Variants in HEATR1 observed in about 807,000 individuals in gnomAD.
HEATR1 encodes HEAT repeat-containing protein 1.
Under a neutral mutation model 248.2 loss-of-function variants are expected in HEATR1, and 77 were observed. The observed-to-expected ratio is 0.31, with a 90% confidence interval of 0.26 to 0.37. The LOEUF (loss-of-function observed/expected upper bound fraction) is 0.37. HEATR1 is among the 10% of genes least tolerant of loss of function. HEATR1 has a pLI of 1.00. For missense variants in HEATR1, 2,420 were observed against 2,504.9 expected (o/e 0.97, Z 0.72); for synonymous variants, 897 against 923.1 (o/e 0.97, Z 0.51).
chr1:236,603,904 C>G, intron 2 of HEATR1, 50 bp downstream of exon 2: 1 of 1,565,530 alleles, frequency 6.4e-7, no homozygotes, highest in Non-Finnish European at 8.6e-7. Flanking sequence ...ACAGTAACAT[C>G]CAGAAAACAA....
chr1:236,556,291 C>A, intron 37 of HEATR1, 33 bp from the exon 38 acceptor site: 6 of 1,609,694 alleles, frequency 3.7e-6, no homozygotes, highest in Non-Finnish European at 5.1e-6. Flanking sequence ...ATCAGGGCCA[C>A]TGCAGATCTT....
In HEATR1 at chr1:236,592,073, A is replaced by G. The variant is rs773878906; in HGVS notation, c.1342T>C (p.Leu448=). 1.9e-6 allele frequency: 3 copies of G among 1,607,608 alleles called. No individual in the cohort carries two copies. Among genetic ancestry groups the G allele is most frequent in the Non-Finnish European group, 2.6e-6 (3 of 1,174,952 alleles). Residue 448 remains leucine, a synonymous_variant, in exon 11 of 45, where the codon TTA becomes CTA. Coordinates refer to ENST00000366582, the MANE Select transcript of HEATR1 (RefSeq NM_018072.6). ...RTLDVVLEEH[L]KEIADLKKQE... ...TTTTTCAGATCTGCAATTTCCTTTA[A>G]GTGTTCCTCTAATACAACATCTAAT...
Position 236,557,304 on chromosome 1 carries a change from T to C in HEATR1, c.5246A>G (p.Glu1749Gly), listed in dbSNP as rs773530434. The C allele has an allele frequency of 2.5e-5, 41 of 1,614,046 alleles. No individual in the cohort carries two copies. Among genetic ancestry groups the C allele is most frequent in the Non-Finnish European group, 3.4e-5 (40 of 1,180,012 alleles). The change falls in exon 37 of 45, where the codon GAG becomes GGG. Residue 1749 changes from glutamate to glycine, a missense_variant. Physicochemically the swap from Glu to Gly is moderately conservative, Grantham distance 98. Coordinates refer to ENST00000366582, the MANE Select transcript of HEATR1 (RefSeq NM_018072.6). ...SLLTTMKNTSELVSSEVYLLS... is the reference protein window; with the variant it reads ...SLLTTMKNTSGLVSSEVYLLS... ...CAGGTAGACCTCGCTGGAGACCAGCTCGCTGGTGTTCTTCATTGTTGTCAG... is the reference window on the plus strand; with the variant it reads ...CAGGTAGACCTCGCTGGAGACCAGCCCGCTGGTGTTCTTCATTGTTGTCAG...
chr1:236,575,024 G>C, intron 22 of HEATR1, 121 bp from the exon 23 acceptor site: 1 of 870,984 alleles, frequency 1.1e-6, no homozygotes, highest in Non-Finnish European at 1.7e-6. Flanking sequence ...AAAACCCAAT[G>C]ATGGTAACTT....
chr1:236,595,729 A>G (rs1028312015), intron 7 of HEATR1, 56 bp from the exon 8 acceptor site: 2 of 1,547,310 alleles, frequency 1.3e-6, no homozygotes, highest in African/African-American at 2.8e-5. Flanking sequence ...ACAATGAGTA[A>G]CAATATAAGA....
intron 17 of HEATR1, among the ~76,000 whole-genome samples, chr1:236,584,219 T>C (rs539054958): frequency 2.0e-5 from 3 of 152,292 alleles, no homozygotes; most frequent in South Asian, 4.2e-4. Flanking sequence ...ACTCTATTTG[T>C]CCATACTTTT....
At position 236,599,511 on chromosome 1, in the gene HEATR1, T is replaced by G; in HGVS notation, c.473A>C (p.His158Pro). The part of the protein sequence containing the change: ...IQLLKINNSK[H>P]RWFWLLPVKQ... ...AACTGGCAACAACCAGAACCATCTG[T>G]GCTTTGAATTATTAATTTTTAGAAG... Residue 158 changes from histidine (H) to proline (P), a missense_variant, in exon 4 of 45, where the codon CAC (histidine) becomes CCC (proline). Coordinates refer to ENST00000366582, the MANE Select transcript of HEATR1 (RefSeq NM_018072.6). 1 of 1,613,824 alleles carries G rather than the reference T, an allele frequency of 6.2e-7. No individual in the cohort carries two copies. The highest frequency in any genetic ancestry group is 8.5e-7 in the Non-Finnish European group (1 of 1,179,856).
At chr1:236,582,135 C>T (rs985980254) in intron 19 of HEATR1, among the ~76,000 whole-genome samples, 3 of 152,088 alleles carry the variant, frequency 2.0e-5, no homozygotes, top group Non-Finnish European at 4.4e-5. Flanking sequence ...GATGGAGTCT[C>T]GCTCTGTCGC....
chr1:236,603,856 G>T, intron 2 of HEATR1, 98 bp downstream of exon 2: 1 of 1,298,356 alleles, frequency 7.7e-7, no homozygotes, highest in Non-Finnish European at 1.1e-6. Flanking sequence ...CTAAGGAAGA[G>T]GACGGGACAG....
At chr1:236,573,871 C>T (rs1018903169) in intron 24 of HEATR1, 1 of 166,380 alleles carries the variant, frequency 6.0e-6, no homozygotes, top group African/African-American at 2.4e-5. Flanking sequence ...AATAATGTTA[C>T]CCAGTTCAAT....
chr1:236,565,862 TTC>T (rs1187136224), intron 31 of HEATR1, 55 bp downstream of exon 31: 3 of 1,544,236 alleles, frequency 1.9e-6, no homozygotes, highest in African/African-American at 1.4e-5. Flanking sequence ...CTGCATTCTC[TTC>T]TGTTTCTCTT....
intron 31 of HEATR1, 56 bp from the exon 32 acceptor site, chr1:236,564,717 A>G: frequency 1.3e-6 from 2 of 1,490,272 alleles, no homozygotes; most frequent in Non-Finnish European, 9.1e-7. Context: ...TCCTTCATAC[A>G]GAATTAACAG....
At chr1:236,572,122 A>G (rs936123114) in intron 26 of HEATR1, among the ~76,000 whole-genome samples, 1 of 152,144 alleles carries the variant, frequency 6.6e-6, no homozygotes, top group Non-Finnish European at 1.5e-5. Context: ...TAAATTCAAC[A>G]CTATATCTTG....
intron 20 of HEATR1, among the ~76,000 whole-genome samples, chr1:236,580,606 T>A (rs1663697186): frequency 6.7e-6 from 1 of 148,812 alleles, no homozygotes; most frequent in South Asian, 2.2e-4. Context: ...AGCCTTGACC[T>A]CCCAGGCACA....
intron 29 of HEATR1, 113 bp from the exon 30 acceptor site, chr1:236,566,989 TTTA>T: frequency 1.5e-6 from 1 of 679,582 alleles, no homozygotes; most frequent in South Asian, 1.9e-5. Context: ...CCAGAAGAAT[TTTA>T]TTTATTTTTT....
chr1:236,595,753 C>T, intron 7 of HEATR1, 80 bp from the exon 8 acceptor site: 1 of 1,508,872 alleles, frequency 6.6e-7, no homozygotes, highest in South Asian at 1.2e-5. Context: ...TATATAATCA[C>T]TTATCTTACA....
chr1:236,572,670 T>C (rs1362973308), intron 25 of HEATR1, 55 bp downstream of exon 25: 15 of 1,598,154 alleles, frequency 9.4e-6, no homozygotes, highest in Non-Finnish European at 1.1e-5. Flanking sequence ...AATGGTTTCA[T>C]AACATTCAGA....
Position 236,572,533 on chromosome 1 carries a change from A to G in HEATR1, c.3585T>C (p.Ser1195=). The G allele has an allele frequency of 6.2e-7, 1 of 1,613,982 alleles. No homozygotes were observed. Among genetic ancestry groups the G allele is most frequent in the East Asian group, 2.2e-5 (1 of 44,868 alleles). Residue 1195 remains serine, a synonymous_variant, in exon 26 of 45, where the codon TCT becomes TCC. Coordinates refer to ENST00000366582, the MANE Select transcript of HEATR1 (RefSeq NM_018072.6). ...MQQKKSQDLE[S]VQEVGGSYWQ... ...AGTAAGAACCTCCAACTTCCTGAAC[A>G]GATTCTAGATCTTGTGATTTTCTGG... is the stretch of plus-strand genomic sequence containing the variant.
chr1:236,554,788 T>C (rs1242423871), intron 41 of HEATR1, 36 bp from the exon 42 acceptor site: 2 of 1,556,326 alleles, frequency 1.3e-6, no homozygotes, highest in Non-Finnish European at 1.7e-6. Flanking sequence ...GAAAAAACAC[T>C]GAACTTAACC....
Sources: gnomAD v4.1 joint callset for allele counts (sites outside exome capture counted in the v4.1 genomes callset) on GRCh38, gnomAD v4.1.1 for gene constraint, MANE v1.5 for transcripts, NCBI Gene and HGNC (gene_info 2026-07-23, HGNC 2026-07-21) for gene names.